The following SPOCK3 variants were observed in gnomAD, a reference collection of about 807,000 sequenced individuals.
The protein encoded by SPOCK3 is SPARC (osteonectin), cwcv and kazal like domains proteoglycan 3.
SPOCK3 carries 30 observed loss-of-function variants against 56.6 expected under a neutral mutation model. That is an observed-to-expected ratio of 0.53 (90% CI 0.40 to 0.72). The LOEUF is 0.72. SPOCK3 is among the 30% of genes least tolerant of loss of function. The pLI, the probability that SPOCK3 is intolerant of heterozygous loss-of-function variation, is 0.00. For synonymous variants in SPOCK3, 196 were observed against 183.3 expected, an observed-to-expected ratio of 1.07 and a Z score of -0.56; for missense variants, 527 against 530.0, an observed-to-expected ratio of 0.99 and a Z score of 0.06.
chr4:167,000,634 A>G (rs1201729328), intron 3 of SPOCK3, among the ~76,000 whole-genome samples, 171 bp from the exon 4 acceptor site: 1 of 152,218 alleles, frequency 6.6e-6, no homozygotes, highest in Non-Finnish European at 1.5e-5. Context: ...ACTCAGAGTT[A>G]ACAGCTAGCT....
intron 4 of SPOCK3, among the ~76,000 whole-genome samples, chr4:166,998,501 C>G (rs560655466): frequency 4.8e-4 from 73 of 152,142 alleles, no homozygotes; most frequent in African/African-American, 1.7e-3. Context: ...ACTCTGGGGT[C>G]GATCAGTACA....
intron 3 of SPOCK3, among the ~76,000 whole-genome samples, chr4:167,039,910 C>A (rs546916941): frequency 6.6e-6 from 1 of 152,266 alleles, no homozygotes; most frequent in South Asian, 2.1e-4. Flanking sequence ...TCTTCCTCTA[C>A]CTTTTTATTA....
chr4:167,231,652 A>C (rs528770840), intron 2 of SPOCK3, among the ~76,000 whole-genome samples: 1 of 152,276 alleles, frequency 6.6e-6, no homozygotes, highest in South Asian at 2.1e-4. Context: ...AAGATTATTA[A>C]GCTAATGATT....
chr4:166,831,034 A>AT (rs1055110805), intron 6 of SPOCK3, among the ~76,000 whole-genome samples: 3 of 151,984 alleles, frequency 2.0e-5, no homozygotes, highest in Non-Finnish European at 4.4e-5. Context: ...TTTAGAATCA[A>AT]TTTTTCAACT....
At chr4:166,774,929 T>C (rs1034866309) in intron 7 of SPOCK3, among the ~76,000 whole-genome samples, 6 of 152,178 alleles carry the variant, frequency 3.9e-5, no homozygotes, top group Non-Finnish European at 8.8e-5. Context: ...TAAGTGCAAC[T>C]TGCTTACATT....
intron 2 of SPOCK3, among the ~76,000 whole-genome samples, chr4:167,213,638 G>C (rs1015471277): frequency 6.6e-6 from 1 of 151,940 alleles, no homozygotes; most frequent in Non-Finnish European, 1.5e-5. Context: ...AAATATAATG[G>C]AGGAAATAGA....
At chr4:166,879,902 C>A (rs1266735229) in intron 6 of SPOCK3, among the ~76,000 whole-genome samples, 1 of 152,120 alleles carries the variant, frequency 6.6e-6, no homozygotes, top group Non-Finnish European at 1.5e-5. Context: ...TCTCCCTCTT[C>A]TCTCTCTGCC....
chr4:166,997,095 G>A (rs1340256164), intron 4 of SPOCK3, among the ~76,000 whole-genome samples: 1 of 151,924 alleles, frequency 6.6e-6, no homozygotes, highest in Admixed American at 6.6e-5. Flanking sequence ...TCACTTATAA[G>A]TGAGAGCTGA....
intron 3 of SPOCK3, among the ~76,000 whole-genome samples, chr4:167,024,397 AG>A (rs1751495243): frequency 1.3e-5 from 2 of 152,052 alleles, no homozygotes; most frequent in African/African-American, 4.8e-5. Flanking sequence ...ATAGTATAAA[AG>A]GGTCACAATT....
intron 2 of SPOCK3, among the ~76,000 whole-genome samples, chr4:167,215,855 A>T (rs149049607): frequency 7.9e-4 from 121 of 152,254 alleles, no homozygotes; most frequent in Admixed American, 1.8e-3. Flanking sequence ...TCAGCCCTAA[A>T]GCCTCAGAAA....
intron 2 of SPOCK3, among the ~76,000 whole-genome samples, chr4:167,114,784 G>A (rs570064464): frequency 2.5e-4 from 38 of 152,136 alleles, no homozygotes; most frequent in African/African-American, 8.9e-4. Context: ...ACTCAAACCC[G>A]TGTTGTGGTA....
chr4:167,148,129 A>T (rs1764126805), intron 2 of SPOCK3, among the ~76,000 whole-genome samples: 1 of 152,140 alleles, frequency 6.6e-6, no homozygotes. Context: ...CACTCTCAAC[A>T]GTGTTCTTGA....
intron 4 of SPOCK3, among the ~76,000 whole-genome samples, chr4:166,996,938 T>C (rs1288242076): frequency 6.6e-6 from 1 of 152,178 alleles, no homozygotes; most frequent in Admixed American, 6.6e-5. Context: ...ACCTACTAGT[T>C]TCTTAAAACC....
At chr4:167,029,550 A>C (rs1752064282) in intron 3 of SPOCK3, among the ~76,000 whole-genome samples, 1 of 152,096 alleles carries the variant, frequency 6.6e-6, no homozygotes, top group South Asian at 2.1e-4. Flanking sequence ...ATTTAACTAA[A>C]TACAGAATTG....
At chr4:166,850,804 C>T (rs926401838) in intron 6 of SPOCK3, among the ~76,000 whole-genome samples, 1 of 152,232 alleles carries the variant, frequency 6.6e-6, no homozygotes, top group Non-Finnish European at 1.5e-5. Context: ...CCGCACCTGG[C>T]TCGGAGGGTC....
At chr4:167,160,813 G>C (rs988019245) in intron 2 of SPOCK3, among the ~76,000 whole-genome samples, 1 of 152,128 alleles carries the variant, frequency 6.6e-6, no homozygotes, top group African/African-American at 2.4e-5. Flanking sequence ...TTAATAAATG[G>C]TGCTGGGCAA....
intron 7 of SPOCK3, among the ~76,000 whole-genome samples, chr4:166,788,253 A>T (rs1166859210): frequency 1.3e-5 from 2 of 152,182 alleles, no homozygotes; most frequent in African/African-American, 2.4e-5. Context: ...TAAATCATGT[A>T]GATGACAAGC....
At chr4:166,900,794 G>A (rs1400052880) in intron 5 of SPOCK3, among the ~76,000 whole-genome samples, 2 of 152,112 alleles carry the variant, frequency 1.3e-5, no homozygotes, top group Admixed American at 1.3e-4. Context: ...GGAGTTGATG[G>A]AAAGAAAGAA....
At chr4:166,981,380 G>A (rs551206907) in intron 4 of SPOCK3, among the ~76,000 whole-genome samples, 9 of 149,754 alleles carry the variant, frequency 6.0e-5, no homozygotes, top group South Asian at 4.3e-4. Context: ...TCCTTTCTGC[G>A]GGCAGGAGAT....
Sources: allele counts gnomAD v4.1 joint callset (sites outside exome capture counted in the v4.1 genomes callset), GRCh38; gene constraint gnomAD v4.1.1; transcripts MANE v1.5; gene names NCBI Gene and HGNC (gene_info 2026-07-23, HGNC 2026-07-21).